Variants in PAPSS1 observed in about 807,000 individuals in gnomAD.
PAPSS1 encodes the protein 3'-phosphoadenosine 5'-phosphosulfate synthase 1, also known as bifunctional 3'-phosphoadenosine 5'-phosphosulfate synthase 1.
Under a neutral mutation model 72.0 loss-of-function variants are expected in PAPSS1, and 50 were observed. The ratio of observed to expected loss-of-function variants is 0.69; its 90% confidence interval spans 0.55 to 0.88. PAPSS1 has a LOEUF of 0.88. Among genes scored for constraint, PAPSS1 ranks in the 40% least tolerant of loss-of-function variants. The pLI is 0.00. For synonymous variants in PAPSS1, 261 were observed against 263.6 expected, an observed-to-expected ratio of 0.99 and a Z score of 0.09; for missense variants, 657 against 782.2, an observed-to-expected ratio of 0.84 and a Z score of 1.91.
intron 9 of PAPSS1, among the ~76,000 whole-genome samples, chr4:107,653,054 T>G (rs1268889927): frequency 6.7e-6 from 1 of 148,746 alleles, no homozygotes; most frequent in East Asian, 1.9e-4. Flanking sequence ...CATTCATATA[T>G]ATATGAATAT....
chr4:107,668,137 A>G (rs931763007), intron 5 of PAPSS1, among the ~76,000 whole-genome samples: 3 of 151,348 alleles, frequency 2.0e-5, no homozygotes, highest in African/African-American at 7.4e-5. Context: ...AAGGCAGAGT[A>G]GTAGAAACAT....
intron 1 of PAPSS1, among the ~76,000 whole-genome samples, chr4:107,704,585 T>G (rs886574913): frequency 1.4e-4 from 22 of 152,228 alleles, no homozygotes; most frequent in African/African-American, 5.3e-4. Context: ...TCAAATAATT[T>G]TTCTGCATCT....
chr4:107,627,555 T>C lies in PAPSS1; in HGVS notation c.1736+4076A>G, dbSNP rs1726130593. ...GAGCTTTTAAAAGAACTACAAATTATAGGGCCTCTCCCCAGACTAAGTAAA... is the reference window on the plus strand; with the variant it reads ...GAGCTTTTAAAAGAACTACAAATTACAGGGCCTCTCCCCAGACTAAGTAAA... On this transcript the variant is annotated intron_variant, in intron 11 of 11. Transcript: ENST00000265174. Among the ~76,000 whole-genome samples the C allele has an allele frequency of 2.0e-5, 3 of 152,310 alleles. No individual in the cohort carries two copies. The South Asian group carries it at 6.2e-4, about 32-fold the overall frequency.
intron 9 of PAPSS1, among the ~76,000 whole-genome samples, chr4:107,647,566 T>TA (rs780037536): frequency 2.2e-4 from 34 of 152,188 alleles, no homozygotes; most frequent in South Asian, 4.1e-4. Flanking sequence ...TTTTTTAAAG[T>TA]AAAAACCACG....
chr4:107,619,911 T>C (rs1168172793), intron 11 of PAPSS1, among the ~76,000 whole-genome samples: 3 of 152,168 alleles, frequency 2.0e-5, no homozygotes, highest in African/African-American at 7.2e-5. Flanking sequence ...GAGCAGAATA[T>C]GTGAAACCCT....
intron 1 of PAPSS1, among the ~76,000 whole-genome samples, chr4:107,709,240 A>G (rs985868578): frequency 6.6e-6 from 1 of 152,246 alleles, no homozygotes; most frequent in Non-Finnish European, 1.5e-5. Flanking sequence ...TTCAAAGTAA[A>G]TCAAAGAGCA....
At chr4:107,677,200 T>C (rs1212746040) in intron 5 of PAPSS1, among the ~76,000 whole-genome samples, 2 of 152,068 alleles carry the variant, frequency 1.3e-5, no homozygotes, top group Non-Finnish European at 2.9e-5. Context: ...CTAATTAAAC[T>C]CAAGAGCTTC....
chr4:107,699,140 C>T (rs1392246070), intron 2 of PAPSS1, among the ~76,000 whole-genome samples: 6 of 151,932 alleles, frequency 3.9e-5, no homozygotes, highest in Admixed American at 6.6e-5. Context: ...AAAAAGAGTA[C>T]CCAATATTCT....
intron 10 of PAPSS1, among the ~76,000 whole-genome samples, chr4:107,643,864 CATAT>C (rs1236058190): frequency 1.3e-5 from 2 of 151,972 alleles, no homozygotes; most frequent in African/African-American, 4.8e-5. Context: ...TATACTTTCT[CATAT>C]ATATATTATA....
chr4:107,674,422 A>C (rs1336523070), intron 5 of PAPSS1, among the ~76,000 whole-genome samples: 1 of 152,240 alleles, frequency 6.6e-6, no homozygotes, highest in Non-Finnish European at 1.5e-5. Flanking sequence ...AACAAAGATC[A>C]AAAGAGACAA....
At chr4:107,701,406 A>AT in intron 1 of PAPSS1, 121 bp from the exon 2 acceptor site, 2 of 625,254 alleles carry the variant, frequency 3.2e-6, no homozygotes, top group South Asian at 2.2e-5. Context: ...AAGATAAAAC[A>AT]GTTTTTTTTT....
intron 9 of PAPSS1, among the ~76,000 whole-genome samples, chr4:107,653,104 AAT>A (rs1726896188): frequency 6.9e-6 from 1 of 144,700 alleles, no homozygotes; most frequent in Non-Finnish European, 1.5e-5. Context: ...AATACATATG[AAT>A]ATATATGAAT....
At chr4:107,645,562 A>T (rs1364997812) in intron 9 of PAPSS1, among the ~76,000 whole-genome samples, 1 of 152,222 alleles carries the variant, frequency 6.6e-6, no homozygotes, top group African/African-American at 2.4e-5. Context: ...GCTCACTTAC[A>T]ATTACTTTGC....
chr4:107,720,052 C>T (rs1723740546), intron 1 of PAPSS1, 68 bp downstream of exon 1: 2 of 1,519,692 alleles, frequency 1.3e-6, no homozygotes, highest in Admixed American at 2.0e-5. Context: ...AGAGAGGCGG[C>T]GGCTCCGGAA....
intron 5 of PAPSS1, among the ~76,000 whole-genome samples, chr4:107,663,645 G>GT (rs11455987): frequency 0.18 from 27,797 of 152,028 alleles, 2,952 homozygotes; most frequent in East Asian, 0.37. Context: ...CTGCAATACT[G>GT]TCTTTCAATG....
chr4:107,631,581 G>T, intron 11 of PAPSS1, 50 bp downstream of exon 11: 1 of 1,312,144 alleles, frequency 7.6e-7, no homozygotes, highest in Non-Finnish European at 1.1e-6. Flanking sequence ...CCTGGGAGCA[G>T]CTAGACCACG....
intron 5 of PAPSS1, among the ~76,000 whole-genome samples, chr4:107,673,601 G>T (rs1006022493): frequency 2.0e-5 from 3 of 152,166 alleles, no homozygotes; most frequent in Non-Finnish European, 4.4e-5. Flanking sequence ...GTAGCTGAAA[G>T]TGACAGGGAG....
chr4:107,672,948 C>T (rs1297594081), intron 5 of PAPSS1, among the ~76,000 whole-genome samples: 2 of 152,206 alleles, frequency 1.3e-5, no homozygotes, highest in Non-Finnish European at 2.9e-5. Context: ...CCCAGGCAAA[C>T]AGGGTCTGGA....
chr4:107,678,568 T>C (rs796828457), intron 5 of PAPSS1, among the ~76,000 whole-genome samples: 2 of 149,306 alleles, frequency 1.3e-5, no homozygotes, highest in South Asian at 4.2e-4. Context: ...GAGGAAGAGG[T>C]AGTTGCAATA....
Sources: gnomAD v4.1 joint callset for allele counts (sites outside exome capture counted in the v4.1 genomes callset) on GRCh38, gnomAD v4.1.1 for gene constraint, MANE v1.5 for transcripts, NCBI Gene and HGNC (gene_info 2026-07-23, HGNC 2026-07-21) for gene names.